GIGYF2: variants seen among roughly 807,000 people sequenced by gnomAD.
GIGYF2 encodes GRB10-interacting GYF protein 2.
Under a neutral mutation model 208.1 loss-of-function variants are expected in GIGYF2, and 25 were observed. The observed-to-expected ratio is 0.12, with a 90% CI of 0.09 to 0.17. GIGYF2 has a LOEUF of 0.17. Among genes scored for constraint, GIGYF2 ranks in the 10% least tolerant of loss-of-function variants. The pLI, the probability that GIGYF2 is intolerant of heterozygous loss-of-function variation, is 1.00. For missense variants in GIGYF2, 1,302 were observed against 1,579.4 expected (o/e 0.82, Z 2.98); for synonymous variants, 534 against 543.8 (o/e 0.98, Z 0.25).
At chr2:232,798,782 T>A (rs1014390053) in intron 14 of GIGYF2, among the ~76,000 whole-genome samples, 1 of 151,438 alleles carries the variant, frequency 6.6e-6, no homozygotes, top group African/African-American at 2.4e-5. Flanking sequence ...ATTGTTTGCT[T>A]ATTTTACGTT....
At chr2:232,797,489 T>TTCTGTG (rs1553614939) in intron 14 of GIGYF2, among the ~76,000 whole-genome samples, 1 of 144,994 alleles carries the variant, frequency 6.9e-6, no homozygotes, top group African/African-American at 2.6e-5. Context: ...AGAGCAGGGC[T>TTCTGTG]TGTGTGTGTG....
chr2:232,771,353 T>C (rs1297475332), intron 8 of GIGYF2: 4 of 1,611,090 alleles, frequency 2.5e-6, no homozygotes, highest in Middle Eastern at 1.6e-4. Context: ...TTGCAATTAC[T>C]GCTGTCCATC....
intron 8 of GIGYF2, among the ~76,000 whole-genome samples, chr2:232,762,298 G>T (rs1574848004): frequency 6.7e-6 from 1 of 149,468 alleles, no homozygotes; most frequent in African/African-American, 2.5e-5. Context: ...TGTCACCCAG[G>T]CTGGAGTGCA....
At chr2:232,785,092 T>C (rs566525348) in intron 8 of GIGYF2, among the ~76,000 whole-genome samples, 51 of 151,916 alleles carry the variant, frequency 3.4e-4, no homozygotes, top group Non-Finnish European at 4.3e-4. Context: ...TCTTCTTCTT[T>C]TTTTTTTTTT....
At chr2:232,759,744 G>C (rs923830770) in intron 6 of GIGYF2, among the ~76,000 whole-genome samples, 13 of 151,442 alleles carry the variant, frequency 8.6e-5, no homozygotes, top group African/African-American at 2.9e-4. Context: ...TTTCTATTAG[G>C]ATAAATCCTA....
At chr2:232,780,892 A>G (rs1469164245) in intron 8 of GIGYF2, among the ~76,000 whole-genome samples, 1 of 152,146 alleles carries the variant, frequency 6.6e-6, no homozygotes, top group Non-Finnish European at 1.5e-5. Flanking sequence ...CGTGAAGGGA[A>G]CTTAGATGTC....
rs1700178157 is a variant in GIGYF2, at chr2:232,794,877, G to A, written c.1412G>A (p.Gly471Asp). The change falls in exon 13 of 29, where the codon GGT becomes GAT. Residue 471 changes from glycine to aspartate, a missense_variant. Transcript: ENST00000373563. Reference protein sequence around the residue: ...TLRPVETPVVGAPGMGSVSTE... With the variant: ...TLRPVETPVVDAPGMGSVSTE... The stretch of plus-strand genomic sequence containing the variant: ...CGGCCAGTTGAAACACCAGTTGTAG[G>A]TGCTCCTGGTATGGGCAGTGTTTCC... 1 of 1,613,658 alleles carries A rather than the reference G, an allele frequency of 6.2e-7. No individual in the cohort carries two copies. Among genetic ancestry groups the A allele is most frequent in the Non-Finnish European group, 8.5e-7 (1 of 1,179,624 alleles).
chr2:232,852,427 C>T (rs1234766321), intron 28 of GIGYF2, among the ~76,000 whole-genome samples: 2 of 152,124 alleles, frequency 1.3e-5, no homozygotes, highest in African/African-American at 2.4e-5. Flanking sequence ...TGCCTATAAT[C>T]CCAGCTACTC....
chr2:232,733,717 T>C (rs1404116504), intron 2 of GIGYF2, among the ~76,000 whole-genome samples: 1 of 152,226 alleles, frequency 6.6e-6, no homozygotes, highest in African/African-American at 2.4e-5. Flanking sequence ...AATGGCATAG[T>C]GTTTGCGTAT....
At chr2:232,811,178 C>T (rs1277680595) in intron 16 of GIGYF2, 66 bp from the exon 17 acceptor site, 2 of 834,034 alleles carry the variant, frequency 2.4e-6, no homozygotes, top group African/African-American at 1.6e-5. Flanking sequence ...CTTTGTCTTT[C>T]AGCATCTCAG....
chr2:232,849,408 C>T (rs10178713), intron 27 of GIGYF2, among the ~76,000 whole-genome samples: 25,085 of 152,084 alleles, frequency 0.16, 2,595 homozygotes, highest in Non-Finnish European at 0.22. Context: ...TCATGATCCG[C>T]CCTCCTCAGC....
At chr2:232,835,394 C>T (rs1405941489) in intron 22 of GIGYF2, among the ~76,000 whole-genome samples, 1 of 152,126 alleles carries the variant, frequency 6.6e-6, no homozygotes, top group African/African-American at 2.4e-5. Flanking sequence ...TTATAGCTTC[C>T]TTAGGTTCCC....
chr2:232,851,152 C>T (rs1203095573), intron 28 of GIGYF2, among the ~76,000 whole-genome samples: 1 of 152,104 alleles, frequency 6.6e-6, no homozygotes, highest in Non-Finnish European at 1.5e-5. Flanking sequence ...GAGACCATAT[C>T]TCTAAAAAAA....
intron 2 of GIGYF2, among the ~76,000 whole-genome samples, chr2:232,723,110 T>C (rs992522906): frequency 6.6e-6 from 1 of 152,158 alleles, no homozygotes; most frequent in African/African-American, 2.4e-5. Flanking sequence ...GGACATTAGC[T>C]TGGCCTCAGT....
At chr2:232,721,779 G>A (rs1696953959) in intron 2 of GIGYF2, among the ~76,000 whole-genome samples, 1 of 152,074 alleles carries the variant, frequency 6.6e-6, no homozygotes, top group Admixed American at 6.6e-5. Context: ...CTTACCCTTT[G>A]ATTCATTGTT....
chr2:232,698,115 C>G (rs1389036299), intron 1 of GIGYF2, among the ~76,000 whole-genome samples: 3 of 152,216 alleles, frequency 2.0e-5, no homozygotes, highest in African/African-American at 7.2e-5. Context: ...ACTCTGAATA[C>G]TTGTTTTGCG....
Position 232,747,893 on chromosome 2 carries a change from T to C in GIGYF2, c.171+149T>C, listed in dbSNP as rs142607595. On this transcript the variant is annotated intron_variant, in intron 4 of 28. Coordinates refer to ENST00000373563, the MANE Select transcript of GIGYF2 (RefSeq NM_001103146.3). ...TGTTTCCCTGCTTTGAAGCCTGCAA[T>C]AGTTAACAGAGGATCTTCTAAGTGT... 6,489 of 750,264 alleles carry C rather than the reference T, an allele frequency of 8.6e-3. 194 individuals carry two copies. Among genetic ancestry groups the C allele is most frequent in the Admixed American group, 0.073 (3,392 of 46,464 alleles). 46.5% of individuals were successfully genotyped at this position (750,264 alleles called of 1,614,324 possible).
intron 2 of GIGYF2, among the ~76,000 whole-genome samples, chr2:232,709,401 G>T (rs1328282316): frequency 6.6e-6 from 1 of 152,178 alleles, no homozygotes; most frequent in Non-Finnish European, 1.5e-5. Context: ...GCAGCTTGCT[G>T]CAGCCTAGAA....
intron 3 of GIGYF2, among the ~76,000 whole-genome samples, chr2:232,744,346 T>A (rs1698070846): frequency 6.6e-6 from 1 of 152,178 alleles, no homozygotes; most frequent in African/African-American, 2.4e-5. Flanking sequence ...AATACCAGAA[T>A]GATTTTCATT....
Sources: allele counts gnomAD v4.1 joint callset (sites outside exome capture counted in the v4.1 genomes callset), GRCh38; gene constraint gnomAD v4.1.1; transcripts MANE v1.5; gene names NCBI Gene and HGNC (gene_info 2026-07-23, HGNC 2026-07-21).